ADGRF4: variants seen among roughly 807,000 people sequenced by gnomAD.
ADGRF4 encodes the protein G-protein coupled receptor PGR18.
In ADGRF4, 63 loss-of-function variants were observed where a neutral mutation model predicts 58.5. The observed-to-expected ratio is 1.08, with a 90% CI of 0.88 to 1.33. The LOEUF (loss-of-function observed/expected upper bound fraction) is 1.33. ADGRF4 is among the 40% of genes most tolerant of loss of function. The pLI is 0.00. For synonymous variants in ADGRF4, 313 were observed against 295.4 expected (o/e 1.06, Z -0.61); for missense variants, 931 against 843.9 (o/e 1.10, Z -1.28).
rs777072476 is a variant in ADGRF4 at position 47,714,979 on chromosome 6, G to T, written c.1734G>T (p.Leu578Phe). The part of the protein sequence containing the change: ...VIVAVNLIVV[L>F]VVAVNTQRPS... ...TGGCTGTAAATCTGATTGTGGTTTT[G>T]GTTGTTGCTGTCAACACTCAGAGGC... Residue 578 changes from leucine (L) to phenylalanine (F), a missense_variant, in exon 6 of 10, where the codon TTG becomes TTT. Transcript: ENST00000283303. 4.1e-5 allele frequency: 66 copies of T among 1,613,460 alleles called. No individual in the cohort carries two copies. Among genetic ancestry groups the T allele is most frequent in the Admixed American group, 2.0e-4 (12 of 59,994 alleles).
At chr6:47,717,878 T>A (rs1196943340) in intron 8 of ADGRF4, among the ~76,000 whole-genome samples, 1 of 152,206 alleles carries the variant, frequency 6.6e-6, no homozygotes, top group Non-Finnish European at 1.5e-5. Context: ...TATTTAGAGA[T>A]CTTGAAGACT....
At chr6:47,713,235 G>A (rs532835914) in intron 5 of ADGRF4, among the ~76,000 whole-genome samples, 4 of 151,526 alleles carry the variant, frequency 2.6e-5, no homozygotes, top group African/African-American at 9.7e-5. Flanking sequence ...GTGCCAAAAA[G>A]GTTGAGGACC....
At chr6:47,716,189 T>C (rs1221543883) in intron 6 of ADGRF4, among the ~76,000 whole-genome samples, 2 of 152,198 alleles carry the variant, frequency 1.3e-5, no homozygotes, top group Non-Finnish European at 2.9e-5. Flanking sequence ...TTTAGTTATA[T>C]ACATTTCTCC....
Position 47,714,747 on chromosome 6 carries a change from G to A in ADGRF4, c.1502G>A (p.Gly501Glu). The part of the protein sequence containing the change: ...MLFKALLIIY[G>E]ILVIFRRMMK... ...TTCAAAGCATTGCTCATCATTTATG[G>A]AATATTGGTCATTTTCCGTAGGATG... The change falls in exon 6 of 10, where the codon GGA (glycine) becomes GAA (glutamate). Residue 501 changes from glycine to glutamate, a missense_variant. Physicochemically the swap from Gly to Glu is moderately conservative, Grantham distance 98 (BLOSUM62 -2). Coordinates refer to ENST00000283303, the MANE Select transcript of ADGRF4 (RefSeq NM_153838.5). 6.2e-7 allele frequency: 1 copy of A among 1,613,936 alleles called. No homozygotes were observed. The highest frequency in any genetic ancestry group is 8.5e-7 in the Non-Finnish European group (1 of 1,179,898).
intron 1 of ADGRF4, among the ~76,000 whole-genome samples, chr6:47,701,174 T>C (rs1771580553): frequency 6.6e-6 from 1 of 152,246 alleles, no homozygotes; most frequent in African/African-American, 2.4e-5. Flanking sequence ...TTATTTTCTT[T>C]GTAATGACCA....
chr6:47,716,707 T>C, intron 6 of ADGRF4, 99 bp from the exon 7 acceptor site: 3 of 874,620 alleles, frequency 3.4e-6, no homozygotes, highest in Non-Finnish European at 5.6e-6. Context: ...TAATGTCCAA[T>C]AACTGCCCTA....
At chr6:47,712,638 GT>G (rs1771902398) in intron 5 of ADGRF4, 30 bp downstream of exon 5, 1 of 1,523,654 alleles carries the variant, frequency 6.6e-7, no homozygotes, top group Admixed American at 1.7e-5. Context: ...TAAAAATGAT[GT>G]TTTTCTTAAA....
intron 1 of ADGRF4, 27 bp from the exon 2 acceptor site, chr6:47,707,203 T>G (rs1561865387): frequency 3.2e-6 from 4 of 1,250,176 alleles, no homozygotes; most frequent in Non-Finnish European, 4.7e-6. Flanking sequence ...CACCTTCAGG[T>G]GGGTATGCCT....
intron 7 of ADGRF4, among the ~76,000 whole-genome samples, 184 bp downstream of exon 7, chr6:47,717,031 A>T (rs1772037541): frequency 1.3e-5 from 2 of 152,156 alleles, no homozygotes; most frequent in African/African-American, 4.8e-5. Context: ...GCTCTTTATC[A>T]AGTCAACAGG....
At chr6:47,706,362 T>G (rs1771709745) in intron 1 of ADGRF4, among the ~76,000 whole-genome samples, 1 of 152,208 alleles carries the variant, frequency 6.6e-6, no homozygotes, top group African/African-American at 2.4e-5. Context: ...GCATCTAGTT[T>G]CTCTGTATAG....
chr6:47,718,970 G>A (rs115591401), intron 9 of ADGRF4, among the ~76,000 whole-genome samples: 210 of 152,288 alleles, frequency 1.4e-3, no homozygotes, highest in African/African-American at 4.9e-3. Context: ...TCACAAAATG[G>A]CAGCCAGAAG....
chr6:47,720,227 G>A (rs1410524213), intron 9 of ADGRF4, among the ~76,000 whole-genome samples: 3 of 152,144 alleles, frequency 2.0e-5, no homozygotes, highest in South Asian at 4.1e-4. Flanking sequence ...CCCACACACA[G>A]TGTTCAGGGC....
intron 2 of ADGRF4, among the ~76,000 whole-genome samples, 175 bp from the exon 3 acceptor site, chr6:47,708,049 G>A (rs148858076): frequency 3.3e-5 from 5 of 152,260 alleles, no homozygotes; most frequent in African/African-American, 1.2e-4. Context: ...TTCTCCCTGT[G>A]CTCTCATCCA....
At chr6:47,702,082 A>C (rs1451825652) in intron 1 of ADGRF4, among the ~76,000 whole-genome samples, 1 of 152,098 alleles carries the variant, frequency 6.6e-6, no homozygotes, top group Non-Finnish European at 1.5e-5. Flanking sequence ...TAGGTGGTCC[A>C]CCCGCCTTGG....
At chr6:47,717,383 A>C (rs935192621) in intron 8 of ADGRF4, 32 bp downstream of exon 8, 1 of 1,480,426 alleles carries the variant, frequency 6.8e-7, no homozygotes, top group Non-Finnish European at 9.5e-7. Flanking sequence ...TCAGCCCTGG[A>C]GAGTCCGTGT....
At position 47,714,891 on chromosome 6, in the gene ADGRF4, G is replaced by A. The variant is rs1212178384; in HGVS notation, c.1646G>A (p.Cys549Tyr). The change falls in exon 6 of 10, where the codon TGT becomes TAT. Residue 549 changes from cysteine (C) to tyrosine (Y), a missense_variant. By Grantham distance (194) the Cys-to-Tyr change is radical (BLOSUM62 -2). Transcript: ENST00000283303. ...PEKGYMRPEA[C>Y]WLNWDNTKAL... ...AAAGGCTACATGAGACCTGAGGCCT[G>A]TTGGCTTAACTGGGACAATACCAAA... The A allele has an allele frequency of 6.2e-7, 1 of 1,610,372 alleles. No homozygotes were observed. Among genetic ancestry groups the A allele is most frequent in the African/African-American group, 1.3e-5 (1 of 75,004 alleles).
intron 1 of ADGRF4, among the ~76,000 whole-genome samples, chr6:47,700,987 G>A (rs1928465): frequency 6.6e-6 from 1 of 151,210 alleles, no homozygotes; most frequent in African/African-American, 2.5e-5. Flanking sequence ...TCAGGCTCTG[G>A]GGGGGAAGAG....
intron 1 of ADGRF4, among the ~76,000 whole-genome samples, chr6:47,706,758 T>C (rs1226553551): frequency 2.6e-5 from 4 of 152,280 alleles, no homozygotes; most frequent in African/African-American, 9.6e-5. Flanking sequence ...TACCACTTTT[T>C]ATCAGAGTGA....
In ADGRF4 at chr6:47,717,422, A is replaced by G. The variant is rs1772049586; in HGVS notation, c.2034+71A>G. ...TGCCGGTTATGCAGAGACAAATACCATAGCTCAGTACTCAGGATCTGTGGG... is the reference window on the plus strand; with the variant it reads ...TGCCGGTTATGCAGAGACAAATACCGTAGCTCAGTACTCAGGATCTGTGGG... On this transcript the variant is annotated intron_variant, in intron 8 of 9. Coordinates refer to ENST00000283303, the MANE Select transcript of ADGRF4 (RefSeq NM_153838.5). The G allele has an allele frequency of 4.3e-6, 4 of 932,458 alleles. No homozygotes were observed. The East Asian group carries it at 7.2e-5, about 17-fold the overall frequency. The allele number at this position is 932,458 out of a possible 1,614,324, so 57.8% of individuals were successfully genotyped here.
Sources: allele counts gnomAD v4.1 joint callset (sites outside exome capture counted in the v4.1 genomes callset), GRCh38; gene constraint gnomAD v4.1.1; transcripts MANE v1.5; gene names NCBI Gene and HGNC (gene_info 2026-07-23, HGNC 2026-07-21).